PTPRN2: variants seen among roughly 807,000 people sequenced by gnomAD.
The protein encoded by PTPRN2 is receptor-type tyrosine-protein phosphatase N2.
A neutral mutation model predicts 118.8 loss-of-function variants in PTPRN2; 74 were observed. That is an observed-to-expected ratio of 0.62 (90% CI 0.52 to 0.76). The LOEUF is 0.76. Among genes scored for constraint, PTPRN2 ranks in the 30% least tolerant of loss-of-function variants. The pLI, the probability that PTPRN2 is intolerant of heterozygous loss-of-function variation, is 0.00. For synonymous variants in PTPRN2, 641 were observed against 608.0 expected (o/e 1.05, Z -0.80); for missense variants, 1,481 against 1,394.4 (o/e 1.06, Z -0.99).
At chr7:158,317,457 G>A (rs758851333) in intron 2 of PTPRN2, among the ~76,000 whole-genome samples, 4 of 152,354 alleles carry the variant, frequency 2.6e-5, no homozygotes, top group South Asian at 2.1e-4. Flanking sequence ...CGGGGCTGGC[G>A]AACGGTGTGG....
At chr7:157,741,619 T>C (rs1369670724) in intron 12 of PTPRN2, among the ~76,000 whole-genome samples, 2 of 152,196 alleles carry the variant, frequency 1.3e-5, no homozygotes, top group African/African-American at 4.8e-5. Context: ...ACATGACCCA[T>C]GCACGATTCA....
At chr7:158,043,235 G>A (rs1222800540) in intron 11 of PTPRN2, among the ~76,000 whole-genome samples, 4 of 152,222 alleles carry the variant, frequency 2.6e-5, no homozygotes, top group Admixed American at 1.3e-4. Context: ...TGTGCCATGT[G>A]GAGGGGAACA....
At chr7:157,648,798 T>G (rs1805354926) in intron 14 of PTPRN2, among the ~76,000 whole-genome samples, 1 of 144,294 alleles carries the variant, frequency 6.9e-6, no homozygotes. Flanking sequence ...CTGAACTCGG[T>G]GGGTCAGACC....
At chr7:158,500,454 C>T (rs1286639882) in intron 1 of PTPRN2, among the ~76,000 whole-genome samples, 2 of 152,192 alleles carry the variant, frequency 1.3e-5, no homozygotes, top group Non-Finnish European at 2.9e-5. Context: ...GTAAAAGTCC[C>T]CCAGGGAATT....
intron 2 of PTPRN2, among the ~76,000 whole-genome samples, chr7:158,407,818 C>T (rs1372226719): frequency 6.6e-6 from 1 of 152,232 alleles, no homozygotes; most frequent in Non-Finnish European, 1.5e-5. Context: ...GTGGAACCAT[C>T]GCCGTGCTCA....
intron 10 of PTPRN2, among the ~76,000 whole-genome samples, chr7:158,099,834 C>T (rs1262374305): frequency 1.2e-4 from 11 of 90,564 alleles, no homozygotes; most frequent in Non-Finnish European, 1.8e-4. Flanking sequence ...CGGCTGCCTC[C>T]TCTTCCTCCC....
intron 11 of PTPRN2, among the ~76,000 whole-genome samples, chr7:157,991,518 G>C (rs927153247): frequency 3.3e-5 from 5 of 152,348 alleles, no homozygotes; most frequent in African/African-American, 1.2e-4. Context: ...GGTGCTGCCC[G>C]TGCAGGGCAC....
intron 12 of PTPRN2, among the ~76,000 whole-genome samples, chr7:157,848,685 G>A (rs972765134): frequency 1.3e-5 from 2 of 152,246 alleles, no homozygotes; most frequent in Admixed American, 6.5e-5. Flanking sequence ...GCTTCCGCGG[G>A]ATCCCATGAA....
intron 6 of PTPRN2, among the ~76,000 whole-genome samples, chr7:158,165,980 G>A (rs566728701): frequency 1.2e-3 from 190 of 152,186 alleles, no homozygotes; most frequent in African/African-American, 4.4e-3. Flanking sequence ...GTGGCAAACC[G>A]CCATAAATAT....
chr7:157,885,833 G>A (rs1300498754), intron 12 of PTPRN2, among the ~76,000 whole-genome samples: 6 of 152,132 alleles, frequency 3.9e-5, no homozygotes, highest in East Asian at 1.9e-4. Flanking sequence ...ACCGGCTGCC[G>A]GTTCTGCCAT....
chr7:158,558,985 G>A (rs1827214771), intron 1 of PTPRN2, among the ~76,000 whole-genome samples: 2 of 152,218 alleles, frequency 1.3e-5, no homozygotes, highest in African/African-American at 2.4e-5. Context: ...GCAGGCAGCA[G>A]GGAGGGGCCA....
Position 157,927,107 on chromosome 7 carries a change from G to A in PTPRN2, c.1724-28370C>T, listed in dbSNP as rs375446256. On this transcript the variant is annotated intron_variant, in intron 11 of 22. Transcript: ENST00000389418. ...CGAAGACAGGAAGCCCCAGGGACCC[G>A]TCTGAGAACAGAGGCCTCGCATCTT... Among the ~76,000 whole-genome samples, 12 of 131,610 alleles carry A rather than the reference G, an allele frequency of 9.1e-5. 1 individual carries two copies. The East Asian group carries it at 1.8e-3, about 20-fold the overall frequency. The allele number at this position is 131,610 out of a possible 152,430, so 86.3% of individuals were successfully genotyped here. A position where few individuals can be genotyped will look rare whatever the true frequency, so the allele number is the denominator to read the frequency against.
In PTPRN2 at chr7:158,238,247, G is replaced by T. The variant is rs569901472; in HGVS notation, c.278-32974C>A. Among the ~76,000 whole-genome samples the T allele has an allele frequency of 5.3e-5, 8 of 152,232 alleles. No homozygotes were observed. In the East Asian group the frequency reaches 1.6e-3, roughly 30 times the overall value. ...GCTCTGGGGGGCATCCCTCCCTACAGCTGGGCCTGGAGAGGAGCCCAGCAC... is the reference window on the plus strand; with the variant it reads ...GCTCTGGGGGGCATCCCTCCCTACATCTGGGCCTGGAGAGGAGCCCAGCAC... On this transcript the variant is annotated intron_variant, in intron 3 of 22. Transcript: ENST00000389418.
In PTPRN2 at chr7:157,692,845, C is replaced by G. The variant is rs947917211; in HGVS notation, c.1789-9908G>C. Among the ~76,000 whole-genome samples the G allele has an allele frequency of 4.6e-5, 7 of 152,246 alleles. No homozygotes were observed. The East Asian group carries it at 1.4e-3, about 30-fold the overall frequency. ...CAAGGCCCGCAAAAACCCCCGCACCCTGGCTCGGGGGCGGCGCGGCGGCGG... is the reference window on the plus strand; with the variant it reads ...CAAGGCCCGCAAAAACCCCCGCACCGTGGCTCGGGGGCGGCGCGGCGGCGG... On this transcript the variant is annotated intron_variant, in intron 12 of 22. Coordinates refer to ENST00000389418, the MANE Select transcript of PTPRN2 (RefSeq NM_002847.5).
intron 10 of PTPRN2, among the ~76,000 whole-genome samples, chr7:158,109,012 C>A (rs1312556950): frequency 1.3e-5 from 2 of 150,458 alleles, no homozygotes; most frequent in East Asian, 2.0e-4. Context: ...TGAATGACAT[C>A]ACCACTGTGT....
intron 1 of PTPRN2, among the ~76,000 whole-genome samples, chr7:158,558,451 G>A (rs1563433319): frequency 1.3e-5 from 2 of 151,886 alleles, no homozygotes; most frequent in Non-Finnish European, 2.9e-5. Flanking sequence ...TGTCCCTGGG[G>A]TGCTGCCCCA....
intron 17 of PTPRN2, among the ~76,000 whole-genome samples, chr7:157,594,788 T>G (rs1400572286): frequency 6.6e-6 from 1 of 152,228 alleles, no homozygotes; most frequent in Non-Finnish European, 1.5e-5. Flanking sequence ...TGTGCCTTCA[T>G]CTGTGTGACC....
At chr7:158,253,811 G>A (rs1184383992) in intron 3 of PTPRN2, among the ~76,000 whole-genome samples, 1 of 152,242 alleles carries the variant, frequency 6.6e-6, no homozygotes, top group African/African-American at 2.4e-5. Context: ...GTCGAGCTGG[G>A]CAACAGATTC....
chr7:158,368,676 A>G (rs1586482568), intron 2 of PTPRN2, among the ~76,000 whole-genome samples: 2 of 152,202 alleles, frequency 1.3e-5, no homozygotes, highest in African/African-American at 4.8e-5. Flanking sequence ...GGGGCTCCCC[A>G]GGGAGGAAGG....
Sources: allele counts gnomAD v4.1 joint callset (sites outside exome capture counted in the v4.1 genomes callset), GRCh38; gene constraint gnomAD v4.1.1; transcripts MANE v1.5; gene names NCBI Gene and HGNC (gene_info 2026-07-23, HGNC 2026-07-21).